The following AGFG1 variants were observed in gnomAD, a reference collection of about 807,000 sequenced individuals.
AGFG1 encodes the protein ArfGAP with FG repeats 1.
In AGFG1, 10 loss-of-function variants were observed where a neutral mutation model predicts 60.6. That is an observed-to-expected ratio of 0.16 (90% CI 0.10 to 0.28). AGFG1 has a LOEUF of 0.28. Among genes scored for constraint, AGFG1 ranks in the 10% least tolerant of loss-of-function variants. AGFG1 has a pLI of 1.00. For missense variants in AGFG1, 537 were observed against 676.5 expected (o/e 0.79, Z 2.29); for synonymous variants, 247 against 242.9 (o/e 1.02, Z -0.16).
intron 10 of AGFG1, 108 bp downstream of exon 10, chr2:227,537,101 T>C: frequency 1.2e-6 from 1 of 856,800 alleles, no homozygotes; most frequent in Non-Finnish European, 1.9e-6. Context: ...GTGAAGTGAA[T>C]GGCAATGGAT....
At chr2:227,513,347 T>A (rs1691549428) in intron 2 of AGFG1, among the ~76,000 whole-genome samples, 1 of 152,194 alleles carries the variant, frequency 6.6e-6, no homozygotes, top group African/African-American at 2.4e-5. Flanking sequence ...GATATACAAA[T>A]GGGCTTCTTG....
Position 227,532,172 on chromosome 2 carries a change from T to C in AGFG1, c.814+962T>C, listed in dbSNP as rs967766387. 28 of 1,549,290 alleles carry C rather than the reference T, an allele frequency of 1.8e-5. No individual in the cohort carries two copies. The East Asian group carries it at 6.4e-4, about 35-fold the overall frequency. ...TGCTTTCATCTAGCTGCAGTTTTGGTGAATTTACTTCAGCTTTTCCTCTTC... is the reference window on the plus strand; with the variant it reads ...TGCTTTCATCTAGCTGCAGTTTTGGCGAATTTACTTCAGCTTTTCCTCTTC... On this transcript the variant is annotated intron_variant, in intron 6 of 12. Transcript: ENST00000310078.
intron 1 of AGFG1, among the ~76,000 whole-genome samples, chr2:227,476,545 A>G (rs1690285956): frequency 6.6e-6 from 1 of 152,246 alleles, no homozygotes; most frequent in Non-Finnish European, 1.5e-5. Context: ...TTATGTGGAC[A>G]GTGCATTTAA....
At chr2:227,531,836 T>A (rs571785667) in intron 6 of AGFG1, among the ~76,000 whole-genome samples, 9 of 152,288 alleles carry the variant, frequency 5.9e-5, no homozygotes, top group African/African-American at 1.9e-4. Context: ...AAAATGTAAG[T>A]AATTTTCGGG....
intron 2 of AGFG1, among the ~76,000 whole-genome samples, chr2:227,504,449 T>C (rs989643923): frequency 6.6e-6 from 1 of 152,204 alleles, no homozygotes; most frequent in African/African-American, 2.4e-5. Flanking sequence ...TGCCTTGGCC[T>C]CCCAGAGTGC....
At chr2:227,535,369 T>C (rs529328578) in intron 8 of AGFG1, among the ~76,000 whole-genome samples, 108 of 152,344 alleles carry the variant, frequency 7.1e-4, no homozygotes, top group African/African-American at 2.5e-3. Context: ...TAGTTTTTAG[T>C]CATGATGATT....
intron 10 of AGFG1, among the ~76,000 whole-genome samples, chr2:227,550,524 C>T (rs545107175): frequency 2.0e-5 from 3 of 151,260 alleles, no homozygotes; most frequent in Non-Finnish European, 3.0e-5. Flanking sequence ...AAAGTTACGT[C>T]GGTGCATTGT....
At chr2:227,528,545 A>G (rs1197038595) in intron 5 of AGFG1, among the ~76,000 whole-genome samples, 1 of 152,118 alleles carries the variant, frequency 6.6e-6, no homozygotes, top group Non-Finnish European at 1.5e-5. Flanking sequence ...ATAGAGTAAA[A>G]CTTGTGTAAT....
intron 3 of AGFG1, among the ~76,000 whole-genome samples, chr2:227,523,341 AAC>A (rs1691878514): frequency 6.6e-6 from 1 of 152,214 alleles, no homozygotes; most frequent in Non-Finnish European, 1.5e-5. Context: ...TTAGGCTGTT[AAC>A]TGTAATATTA....
intron 1 of AGFG1, among the ~76,000 whole-genome samples, chr2:227,481,304 G>A (rs1270413639): frequency 6.6e-6 from 1 of 152,030 alleles, no homozygotes; most frequent in South Asian, 2.1e-4. Flanking sequence ...CCTAACAAGA[G>A]TCTTCAGCAG....
intron 2 of AGFG1, among the ~76,000 whole-genome samples, chr2:227,499,692 T>C (rs1691091054): frequency 6.6e-6 from 1 of 151,482 alleles, no homozygotes; most frequent in African/African-American, 2.4e-5. Context: ...TGGATCACAG[T>C]GACACCTACA....
intron 7 of AGFG1, 53 bp downstream of exon 7, chr2:227,533,811 A>G (rs779006905): frequency 3.7e-5 from 54 of 1,476,344 alleles, no homozygotes; most frequent in Non-Finnish European, 4.7e-5. Flanking sequence ...AGTGCTCTTA[A>G]TTTGGTTGTA....
chr2:227,545,333 G>A (rs577893629), intron 10 of AGFG1, among the ~76,000 whole-genome samples: 4 of 152,216 alleles, frequency 2.6e-5, no homozygotes, highest in South Asian at 2.1e-4. Flanking sequence ...TCTTCCCTAC[G>A]CTGTTTATTT....
chr2:227,541,058 T>A (rs527698981), intron 10 of AGFG1, among the ~76,000 whole-genome samples: 3 of 152,314 alleles, frequency 2.0e-5, no homozygotes, highest in African/African-American at 7.2e-5. Flanking sequence ...ATTTTTTTTC[T>A]TGTAAATTTA....
At chr2:227,535,074 C>T (rs1692267295) in intron 8 of AGFG1, 49 bp downstream of exon 8, 5 of 1,331,706 alleles carry the variant, frequency 3.8e-6, no homozygotes, top group East Asian at 5.2e-5. Context: ...TCTTTTTTTT[C>T]CAACTTTGAA....
intron 1 of AGFG1, among the ~76,000 whole-genome samples, chr2:227,490,577 CA>C (rs11448281): frequency 0.055 from 7,181 of 129,904 alleles, 217 homozygotes; most frequent in Admixed American, 0.11. Context: ...GACTCCGTCT[CA>C]AAAAAAAAAA....
Position 227,533,724 on chromosome 2 carries a change from T to C in AGFG1, c.990T>C (p.Leu330=). The change falls in exon 7 of 13, where the codon CTT becomes CTC. Residue 330 remains leucine (L), a synonymous_variant. Coordinates refer to ENST00000310078, the MANE Select transcript of AGFG1 (RefSeq NM_004504.5). The part of the protein sequence containing the change: ...GLQTADKYAA[L]ANLDNIFSAG... ...AGACTGCAGACAAATATGCAGCACT[T>C]GCTAATTTAGACAATATCTTCAGTG... is the stretch of plus-strand genomic sequence containing the variant. 1.2e-6 allele frequency: 2 copies of C among 1,613,770 alleles called. No homozygotes were observed. Among genetic ancestry groups the C allele is most frequent in the Non-Finnish European group, 1.7e-6 (2 of 1,179,780 alleles).
chr2:227,485,775 G>A (rs1383310945), intron 1 of AGFG1, among the ~76,000 whole-genome samples: 1 of 151,762 alleles, frequency 6.6e-6, no homozygotes, highest in Admixed American at 6.6e-5. Flanking sequence ...TTTTAAATTT[G>A]CCTCATTCTG....
At chr2:227,550,802 C>T (rs1692795849) in intron 10 of AGFG1, among the ~76,000 whole-genome samples, 1 of 151,774 alleles carries the variant, frequency 6.6e-6, no homozygotes, top group Admixed American at 6.6e-5. Context: ...AATTTCTGTG[C>T]CTTAAATCAA....
Sources: gnomAD v4.1 joint callset for allele counts (sites outside exome capture counted in the v4.1 genomes callset) on GRCh38, gnomAD v4.1.1 for gene constraint, MANE v1.5 for transcripts, NCBI Gene and HGNC (gene_info 2026-07-23, HGNC 2026-07-21) for gene names.